Variants in BNC2 observed in about 807,000 individuals in gnomAD.
BNC2 encodes basonuclin zinc finger protein 2, also known as zinc finger protein basonuclin-2.
A neutral mutation model predicts 76.3 loss-of-function variants in BNC2; 20 were observed. The ratio of observed to expected loss-of-function variants is 0.26; its 90% CI spans 0.18 to 0.38. The LOEUF (loss-of-function observed/expected upper bound fraction) is 0.38, where lower values mean the gene tolerates loss of function less well. BNC2 is among the 10% of genes least tolerant of loss of function. BNC2 has a pLI of 1.00. For synonymous variants in BNC2, 582 were observed against 514.8 expected (o/e 1.13, Z -1.77); for missense variants, 1,382 against 1,399.8 (o/e 0.99, Z 0.20).
At chr9:16,609,596 T>A (rs187946390) in intron 3 of BNC2, among the ~76,000 whole-genome samples, 1 of 152,272 alleles carries the variant, frequency 6.6e-6, no homozygotes, top group Admixed American at 6.5e-5. Flanking sequence ...TTACAGGTAA[T>A]AAAGGTATGT....
intron 5 of BNC2, among the ~76,000 whole-genome samples, chr9:16,514,452 A>ATGTG (rs1319059540): frequency 6.6e-6 from 1 of 152,152 alleles, no homozygotes; most frequent in Non-Finnish European, 1.5e-5. Context: ...ATCTTTTGTT[A>ATGTG]TGTGTTTTTC....
intron 5 of BNC2, among the ~76,000 whole-genome samples, chr9:16,527,017 G>A (rs1258900223): frequency 1.3e-5 from 2 of 152,170 alleles, no homozygotes; most frequent in South Asian, 4.1e-4. Flanking sequence ...CTAAATGCAG[G>A]TAGGAATTAA....
At chr9:16,789,259 T>C (rs1209566790) in intron 1 of BNC2, among the ~76,000 whole-genome samples, 3 of 152,014 alleles carry the variant, frequency 2.0e-5, no homozygotes, top group African/African-American at 4.8e-5. Flanking sequence ...TGGGGGATTT[T>C]AGGGAGTAAT....
intron 1 of BNC2, among the ~76,000 whole-genome samples, chr9:16,772,431 T>TG (rs918275421): frequency 2.6e-5 from 4 of 152,214 alleles, no homozygotes; most frequent in Non-Finnish European, 4.4e-5. Flanking sequence ...TTGTTCATAA[T>TG]GTTCACGCTG....
At chr9:16,725,101 G>A (rs1409363562) in intron 3 of BNC2, among the ~76,000 whole-genome samples, 1 of 151,882 alleles carries the variant, frequency 6.6e-6, no homozygotes, top group African/African-American at 2.4e-5. Context: ...GATTAAACTG[G>A]ACAAACTTTT....
chr9:16,507,482 G>A (rs1053952636), intron 5 of BNC2, among the ~76,000 whole-genome samples: 5 of 152,072 alleles, frequency 3.3e-5, no homozygotes, highest in Admixed American at 6.5e-5. Context: ...AAGCTGGAGT[G>A]CAGTGACACA....
At chr9:16,727,087 G>A (rs1329082212) in intron 3 of BNC2, 2 of 152,480 alleles carry the variant, frequency 1.3e-5, no homozygotes, top group African/African-American at 4.8e-5. Flanking sequence ...CTCTGGGGAA[G>A]ACGCCGAGGC....
At chr9:16,480,139 T>C (rs1303992370) in intron 5 of BNC2, among the ~76,000 whole-genome samples, 5 of 152,192 alleles carry the variant, frequency 3.3e-5, no homozygotes, top group Non-Finnish European at 5.9e-5. Context: ...ATCATCTCCA[T>C]TTTAAAAATA....
intron 3 of BNC2, among the ~76,000 whole-genome samples, chr9:16,598,522 T>C (rs942137481): frequency 9.2e-5 from 14 of 152,206 alleles, no homozygotes; most frequent in African/African-American, 3.4e-4. Flanking sequence ...TAATCATTCC[T>C]GGTAGGCTTG....
chr9:16,691,120 C>T (rs981496912), intron 3 of BNC2, among the ~76,000 whole-genome samples: 4 of 152,178 alleles, frequency 2.6e-5, no homozygotes, highest in African/African-American at 4.8e-5. Flanking sequence ...TGGTGACACC[C>T]TGAGGAGCCT....
chr9:16,507,601 G>C (rs1291151311), intron 5 of BNC2, among the ~76,000 whole-genome samples: 2 of 152,076 alleles, frequency 1.3e-5, no homozygotes, highest in South Asian at 2.1e-4. Context: ...GCTAATTTTT[G>C]TATTTTTAGT....
chr9:16,522,844 G>T (rs940284347), intron 5 of BNC2, among the ~76,000 whole-genome samples: 1 of 152,000 alleles, frequency 6.6e-6, no homozygotes, highest in African/African-American at 2.4e-5. Flanking sequence ...GCTGAAAAAT[G>T]CCAAAAATCA....
chr9:16,487,565 G>A (rs1008086014), intron 5 of BNC2, among the ~76,000 whole-genome samples: 1 of 152,058 alleles, frequency 6.6e-6, no homozygotes, highest in African/African-American at 2.4e-5. Context: ...ATTAATAGTT[G>A]AATATTATTT....
intron 3 of BNC2, among the ~76,000 whole-genome samples, chr9:16,686,640 C>T (rs1336993886): frequency 6.6e-6 from 1 of 152,108 alleles, no homozygotes; most frequent in Non-Finnish European, 1.5e-5. Context: ...ATCATCTGTG[C>T]TAATCAATTT....
intron 3 of BNC2, among the ~76,000 whole-genome samples, chr9:16,617,171 C>T (rs1820729555): frequency 6.6e-6 from 1 of 152,064 alleles, no homozygotes; most frequent in South Asian, 2.1e-4. Context: ...CTGTCAAGTC[C>T]ACTTTAACCG....
At chr9:16,855,344 C>A (rs1434352876) in intron 1 of BNC2, among the ~76,000 whole-genome samples, 1 of 152,188 alleles carries the variant, frequency 6.6e-6, no homozygotes, top group Non-Finnish European at 1.5e-5. Context: ...AGGATGACAG[C>A]TTCTACTTCA....
At chr9:16,780,235 CAAAA>C (rs372583425) in intron 1 of BNC2, among the ~76,000 whole-genome samples, 192 of 66,298 alleles carry the variant, frequency 2.9e-3, no homozygotes, top group Middle Eastern at 0.02. Context: ...GACTTCGTTT[CAAAA>C]AAAAAAAAAA....
At chr9:16,668,157 A>G (rs536970975) in intron 3 of BNC2, among the ~76,000 whole-genome samples, 1 of 152,238 alleles carries the variant, frequency 6.6e-6, no homozygotes, top group South Asian at 2.1e-4. Flanking sequence ...TTTTCTTCTA[A>G]AGGAAGGAGA....
At chr9:16,537,425 A>G (rs1210929388) in intron 5 of BNC2, among the ~76,000 whole-genome samples, 4 of 152,180 alleles carry the variant, frequency 2.6e-5, no homozygotes, top group Non-Finnish European at 5.9e-5. Flanking sequence ...ACAACAAAAA[A>G]AGAACCACAT....
Sources: allele counts gnomAD v4.1 joint callset (sites outside exome capture counted in the v4.1 genomes callset), GRCh38; gene constraint gnomAD v4.1.1; transcripts MANE v1.5; gene names NCBI Gene and HGNC (gene_info 2026-07-23, HGNC 2026-07-21).